Variants in PDE4D observed in about 807,000 individuals in gnomAD.
PDE4D encodes the protein phosphodiesterase 4D, also known as 3',5'-cyclic-AMP phosphodiesterase 4D.
A neutral mutation model predicts 87.4 loss-of-function variants in PDE4D; 24 were observed. The ratio of observed to expected loss-of-function variants is 0.27; its 90% CI spans 0.20 to 0.39. PDE4D has a LOEUF of 0.39. PDE4D is among the 10% of genes least tolerant of loss of function. PDE4D has a pLI of 1.00. For missense variants in PDE4D, 714 were observed against 1,041.0 expected, an observed-to-expected ratio of 0.69 and a Z score of 4.32; for synonymous variants, 384 against 383.2, an observed-to-expected ratio of 1.00 and a Z score of -0.02.
At chr5:59,969,001 C>A (rs895991022) in intron 3 of PDE4D, among the ~76,000 whole-genome samples, 5 of 139,638 alleles carry the variant, frequency 3.6e-5, no homozygotes, top group African/African-American at 8.5e-5. Flanking sequence ...ACCCCCCCCC[C>A]GAAAAAAAGA....
At chr5:60,334,671 C>A (rs76884783) in intron 1 of PDE4D, among the ~76,000 whole-genome samples, 5,038 of 151,964 alleles carry the variant, frequency 0.033, 125 homozygotes, top group Middle Eastern at 0.082. Flanking sequence ...CAAGCCACTG[C>A]CCCCGAGAGC....
chr5:59,435,569 AT>A (rs200839717), intron 1 of PDE4D, among the ~76,000 whole-genome samples: 2,321 of 152,200 alleles, frequency 0.015, 73 homozygotes, highest in African/African-American at 0.054. Flanking sequence ...CCTCTCATCT[AT>A]TTTGCCAACT....
chr5:60,294,580 A>G (rs1339644873), intron 1 of PDE4D, among the ~76,000 whole-genome samples: 1 of 152,012 alleles, frequency 6.6e-6, no homozygotes, highest in Non-Finnish European at 1.5e-5. Flanking sequence ...TCCCATATGG[A>G]TATCAATTTA....
Position 59,771,486 on chromosome 5 carries a change from AGAGAGAGAGAGAG to A in PDE4D, c.455+121669_455+121681del, listed in dbSNP as rs1302612619. Reference sequence around the variant, plus strand: ...GAAAGAAAGAAAGAAAGAAAGAAAGAGAGAGAGAGAGAGAAGAAAGAAAGAAAGAAAGAAAGAA... The same window carrying A: ...GAAAGAAAGAAAGAAAGAAAGAAAGAAAGAAAGAAAGAAAGAAAGAAAGAA... On this transcript the variant is annotated intron_variant, in intron 1 of 14. Transcript: ENST00000340635. Among the ~76,000 whole-genome samples, 246 of 60,072 alleles carry A rather than the reference AGAGAGAGAGAGAG, an allele frequency of 4.1e-3. 3 individuals carry two copies. Among genetic ancestry groups the A allele is most frequent in the African/African-American group, 0.011 (175 of 15,848 alleles). 39.4% of individuals were successfully genotyped at this position (60,072 alleles called of 152,430 possible).
chr5:59,805,840 G>C (rs1460723789), intron 1 of PDE4D, among the ~76,000 whole-genome samples: 1 of 152,234 alleles, frequency 6.6e-6, no homozygotes, highest in African/African-American at 2.4e-5. Context: ...AAGTAGATGA[G>C]ATTGTGAACA....
At chr5:59,765,917 G>C (rs1484385421) in intron 1 of PDE4D, among the ~76,000 whole-genome samples, 1 of 152,152 alleles carries the variant, frequency 6.6e-6, no homozygotes, top group African/African-American at 2.4e-5. Context: ...AATGGTTCTT[G>C]CTCAACTTTG....
intron 1 of PDE4D, among the ~76,000 whole-genome samples, chr5:59,413,041 G>T (rs1008204298): frequency 6.6e-6 from 1 of 152,192 alleles, no homozygotes; most frequent in Non-Finnish European, 1.5e-5. Flanking sequence ...GGATTTTCCA[G>T]TTATAACACT....
At chr5:59,804,173 A>G (rs183917488) in intron 1 of PDE4D, among the ~76,000 whole-genome samples, 16 of 152,126 alleles carry the variant, frequency 1.1e-4, no homozygotes, top group African/African-American at 2.9e-4. Flanking sequence ...TTATTTCTCA[A>G]CTTCTCCCAA....
At chr5:58,976,654 C>T (rs1161600525) in intron 12 of PDE4D, among the ~76,000 whole-genome samples, 182 bp from the exon 13 acceptor site, 1 of 152,158 alleles carries the variant, frequency 6.6e-6, no homozygotes, top group East Asian at 1.9e-4. Flanking sequence ...TTTCCCAAAG[C>T]CCAGATAAAT....
chr5:60,305,702 C>A (rs1754434164), intron 1 of PDE4D, among the ~76,000 whole-genome samples: 1 of 137,284 alleles, frequency 7.3e-6, no homozygotes, highest in African/African-American at 3.0e-5. Flanking sequence ...AATAAAACTT[C>A]TTACTTAAAA....
chr5:59,624,362 T>G (rs987349505), intron 1 of PDE4D, among the ~76,000 whole-genome samples: 1 of 152,166 alleles, frequency 6.6e-6, no homozygotes, highest in Non-Finnish European at 1.5e-5. Context: ...AAATTCTCAC[T>G]TAATGAACAG....
chr5:60,401,959 T>C (rs574044938), intron 1 of PDE4D, among the ~76,000 whole-genome samples: 19 of 152,246 alleles, frequency 1.2e-4, no homozygotes, highest in African/African-American at 4.6e-4. Flanking sequence ...AAAATCTAAA[T>C]GTGAATACCC....
intron 2 of PDE4D, among the ~76,000 whole-genome samples, chr5:59,998,100 C>T (rs1192834194): frequency 3.3e-5 from 5 of 152,152 alleles, no homozygotes; most frequent in South Asian, 2.1e-4. Context: ...CTAGCCACCT[C>T]GTCTTTTAAG....
At chr5:60,459,946 C>T (rs1466277579) in intron 1 of PDE4D, 1 of 735,466 alleles carries the variant, frequency 1.4e-6, no homozygotes, top group Non-Finnish European at 2.5e-6. Context: ...ATCTTTTTAT[C>T]CTTCCTCCTC....
intron 1 of PDE4D, among the ~76,000 whole-genome samples, chr5:59,753,273 G>A (rs993889217): frequency 2.0e-5 from 3 of 152,096 alleles, no homozygotes; most frequent in Admixed American, 6.6e-5. Context: ...AAAATACCTG[G>A]TGGTATTGGG....
chr5:59,597,806 A>G (rs1156768661), intron 1 of PDE4D, among the ~76,000 whole-genome samples: 1 of 152,214 alleles, frequency 6.6e-6, no homozygotes, highest in Non-Finnish European at 1.5e-5. Context: ...AAGGCTAGTT[A>G]TTAAATACTA....
At chr5:59,012,488 G>C (rs1753033088) in intron 6 of PDE4D, among the ~76,000 whole-genome samples, 1 of 152,114 alleles carries the variant, frequency 6.6e-6, no homozygotes. Context: ...ACAAAAAAAA[G>C]CAGGGGTTGC....
chr5:59,005,201 C>T (rs1311832617), intron 6 of PDE4D, among the ~76,000 whole-genome samples: 1 of 152,122 alleles, frequency 6.6e-6, no homozygotes, highest in Admixed American at 6.5e-5. Context: ...GTTTCCCTTC[C>T]CTCTAAAATC....
At chr5:60,434,207 G>T (rs1385063045) in intron 1 of PDE4D, among the ~76,000 whole-genome samples, 1 of 152,114 alleles carries the variant, frequency 6.6e-6, no homozygotes, top group African/African-American at 2.4e-5. Flanking sequence ...AGAGGTTAAG[G>T]CTTAAAAATT....
Sources: gnomAD v4.1 joint callset for allele counts (sites outside exome capture counted in the v4.1 genomes callset) on GRCh38, gnomAD v4.1.1 for gene constraint, MANE v1.5 for transcripts, NCBI Gene and HGNC (gene_info 2026-07-23, HGNC 2026-07-21) for gene names.